The following AOAH variants were observed in gnomAD, a reference collection of about 807,000 sequenced individuals.
AOAH encodes the protein acyloxyacyl hydrolase.
In AOAH, 64 loss-of-function variants were observed where a neutral mutation model predicts 92.2. The ratio of observed to expected loss-of-function variants is 0.69; its 90% confidence interval spans 0.57 to 0.86. The LOEUF is 0.86. Ranked by LOEUF, AOAH falls within the 40% of genes least tolerant of loss-of-function variation. AOAH has a pLI of 0.00. For missense variants in AOAH, 656 were observed against 694.6 expected (o/e 0.94, Z 0.62); for synonymous variants, 263 against 254.5 (o/e 1.03, Z -0.32).
intron 1 of AOAH, among the ~76,000 whole-genome samples, chr7:36,707,323 G>A (rs999895746): frequency 3.9e-5 from 6 of 151,910 alleles, no homozygotes; most frequent in African/African-American, 1.5e-4. Context: ...ATCAATTAAG[G>A]TTGCTGTCTT....
At chr7:36,605,906 C>CTCTT (rs1790965930) in intron 11 of AOAH, among the ~76,000 whole-genome samples, 1 of 152,224 alleles carries the variant, frequency 6.6e-6, no homozygotes, top group African/African-American at 2.4e-5. Context: ...GAACACAACT[C>CTCTT]TCTTTTTCTG....
intron 13 of AOAH, among the ~76,000 whole-genome samples, chr7:36,566,010 A>G (rs1310842054): frequency 1.3e-5 from 2 of 151,558 alleles, no homozygotes; most frequent in Non-Finnish European, 2.9e-5. Context: ...CAGCTATCAC[A>G]TCTCCTTAGT....
chr7:36,536,174 C>A (rs1785046805), intron 16 of AOAH, among the ~76,000 whole-genome samples: 1 of 152,188 alleles, frequency 6.6e-6, no homozygotes, highest in Admixed American at 6.5e-5. Flanking sequence ...ACCCTGCCTT[C>A]ACTGGTTGCT....
At chr7:36,610,448 T>C (rs191186234) in intron 11 of AOAH, among the ~76,000 whole-genome samples, 15 of 150,648 alleles carry the variant, frequency 1.0e-4, no homozygotes, top group Admixed American at 7.9e-4. Flanking sequence ...TTTAAGATGG[T>C]GGGGTTATTT....
At chr7:36,578,412 C>G (rs954882766) in intron 12 of AOAH, among the ~76,000 whole-genome samples, 1 of 152,164 alleles carries the variant, frequency 6.6e-6, no homozygotes, top group Non-Finnish European at 1.5e-5. Flanking sequence ...CAAAGGAAGT[C>G]TAATTGAGAA....
intron 3 of AOAH, among the ~76,000 whole-genome samples, chr7:36,663,400 T>A (rs1795335981): frequency 1.3e-5 from 2 of 152,208 alleles, no homozygotes; most frequent in African/African-American, 4.8e-5. Context: ...TAATGACTTG[T>A]ATTCACCATT....
chr7:36,535,040 G>C (rs541647662), intron 16 of AOAH, among the ~76,000 whole-genome samples: 111 of 89,788 alleles, frequency 1.2e-3, no homozygotes, highest in East Asian at 5.6e-3. Flanking sequence ...GTGTGTCTGT[G>C]TGTGTGTATG....
At chr7:36,678,600 T>TGTGTGTGTGTGTGTGTGCGCGC (rs549317369) in intron 2 of AOAH, among the ~76,000 whole-genome samples, 59 of 130,994 alleles carry the variant, frequency 4.5e-4, no homozygotes, top group Non-Finnish European at 7.1e-4. Flanking sequence ...TGTGTGTGTG[T>TGTGTGTGTGTGTGTGTGCGCGC]GCGCGCGCGC....
intron 1 of AOAH, among the ~76,000 whole-genome samples, chr7:36,693,468 C>T (rs1426995291): frequency 9.9e-5 from 15 of 152,088 alleles, no homozygotes; most frequent in Admixed American, 9.8e-4. Flanking sequence ...AAAAGCCCAC[C>T]TCCTTGAATT....
chr7:36,536,546 G>C (rs1785071158), intron 16 of AOAH, among the ~76,000 whole-genome samples: 1 of 152,152 alleles, frequency 6.6e-6, no homozygotes, highest in Non-Finnish European at 1.5e-5. Flanking sequence ...GCTGGCTCAA[G>C]ATCCAAAGAT....
chr7:36,518,836 T>C (rs1451685119), intron 20 of AOAH, among the ~76,000 whole-genome samples: 2 of 152,290 alleles, frequency 1.3e-5, no homozygotes, highest in South Asian at 4.1e-4. Context: ...CCCGATGATC[T>C]GGAATCATGC....
intron 16 of AOAH, 156 bp downstream of exon 16, chr7:36,540,163 T>G: frequency 1.6e-6 from 1 of 626,526 alleles, no homozygotes. Context: ...ATAATGACCT[T>G]TAGATACTGC....
At chr7:36,667,097 T>G (rs1287493935) in intron 3 of AOAH, among the ~76,000 whole-genome samples, 2 of 152,224 alleles carry the variant, frequency 1.3e-5, no homozygotes, top group African/African-American at 4.8e-5. Flanking sequence ...TGTTGTTGAG[T>G]TCAACTACAG....
chr7:36,628,801 A>T (rs1253417241), intron 6 of AOAH, among the ~76,000 whole-genome samples: 1 of 152,220 alleles, frequency 6.6e-6, no homozygotes, highest in Non-Finnish European at 1.5e-5. Flanking sequence ...GCCACAGAAG[A>T]CACGCAGGTC....
rs374095441 is a variant in AOAH, at chr7:36,722,899, A to G, written c.127+1123T>C. Among the ~76,000 whole-genome samples, 24 of 130,974 alleles carry G rather than the reference A, an allele frequency of 1.8e-4. No homozygotes were observed. The South Asian group carries it at 4.1e-3, about 22-fold the overall frequency. 85.9% of individuals were successfully genotyped at this position (130,974 alleles called of 152,430 possible). A position where few individuals can be genotyped will look rare whatever the true frequency, so the allele number is the denominator to read the frequency against. On this transcript the variant is annotated intron_variant, in intron 1 of 20. Coordinates refer to ENST00000617537, the MANE Select transcript of AOAH (RefSeq NM_001637.4). The stretch of plus-strand genomic sequence containing the variant: ...CAGTGAGCTGAGACTGCACCATTGT[A>G]CTCCAGCCCAGGTGACAGTGCGATA...
At chr7:36,585,457 T>A (rs1387218433) in intron 12 of AOAH, among the ~76,000 whole-genome samples, 1 of 152,162 alleles carries the variant, frequency 6.6e-6, no homozygotes, top group Non-Finnish European at 1.5e-5. Context: ...TTATTAAAAT[T>A]AAAAATGTAA....
intron 3 of AOAH, among the ~76,000 whole-genome samples, chr7:36,671,458 T>C (rs1490169825): frequency 6.6e-6 from 1 of 152,226 alleles, no homozygotes; most frequent in African/African-American, 2.4e-5. Context: ...TCCATCTAGA[T>C]AGCAGCTTAG....
In AOAH at chr7:36,673,947, T is replaced by C; in HGVS notation, c.286A>G (p.Lys96Glu). The stretch of plus-strand genomic sequence containing the variant: ...TATGTGTCATGGCATACTCACAGTT[T>C]TATGATGTCTGATCCAAACTTGTCA... ...VIDKFGSDII[K>E]LLSADMNADV... The change falls in exon 3 of 21, where the codon AAA (lysine) becomes GAA (glutamate). Residue 96 changes from lysine to glutamate, a missense_variant. Lys to Glu is a moderately conservative substitution (Grantham distance 56). Transcript: ENST00000617537. 1 of 1,608,066 alleles carries C rather than the reference T, an allele frequency of 6.2e-7. No homozygotes were observed. The highest frequency in any genetic ancestry group is 8.5e-7 in the Non-Finnish European group (1 of 1,175,204).
intron 13 of AOAH, among the ~76,000 whole-genome samples, chr7:36,569,989 C>T (rs1415409673): frequency 6.6e-6 from 1 of 151,868 alleles, no homozygotes. Context: ...TGTCTTTTAT[C>T]TATTTTTTTG....
Sources: gnomAD v4.1 joint callset for allele counts (sites outside exome capture counted in the v4.1 genomes callset) on GRCh38, gnomAD v4.1.1 for gene constraint, MANE v1.5 for transcripts, NCBI Gene and HGNC (gene_info 2026-07-23, HGNC 2026-07-21) for gene names.